The following MAP2K4 variants were observed in gnomAD, a reference collection of about 807,000 sequenced individuals.
The protein encoded by MAP2K4 is mitogen-activated protein kinase kinase 4.
MAP2K4 carries 4 observed loss-of-function variants against 48.5 expected under a neutral mutation model. The observed-to-expected ratio is 0.08, with a 90% CI of 0.04 to 0.19. The LOEUF (loss-of-function observed/expected upper bound fraction) is 0.19. Among genes scored for constraint, MAP2K4 ranks in the 10% least tolerant of loss-of-function variants. The probability of loss-of-function intolerance (pLI) is 1.00; values close to 1 mark genes in which losing one functional copy is unlikely to be tolerated. For synonymous variants in MAP2K4, 166 were observed against 173.1 expected (o/e 0.96, Z 0.32); for missense variants, 258 against 493.3 (o/e 0.52, Z 4.52).
chr17:12,046,960 G>A lies in MAP2K4; in HGVS notation c.116-7929G>A, dbSNP rs527398185. Among the ~76,000 whole-genome samples, 58 of 152,194 alleles carry A rather than the reference G, an allele frequency of 3.8e-4. No homozygotes were observed. The South Asian group carries it at 0.011, about 30-fold the overall frequency. ...CATAGTAAGAGGTAGTCTACAAGTA[G>A]AATGCTGCTTTTGCCTTTGTCTGGT... On this transcript the variant is annotated intron_variant, in intron 1 of 10. Coordinates refer to ENST00000353533, the MANE Select transcript of MAP2K4 (RefSeq NM_003010.4).
intron 7 of MAP2K4, among the ~76,000 whole-genome samples, chr17:12,116,948 G>T (rs1428543936): frequency 6.6e-6 from 1 of 152,138 alleles, no homozygotes; most frequent in African/African-American, 2.4e-5. Context: ...CGCGAGTAAT[G>T]TGTCACTCTA....
chr17:12,035,331 A>G (rs994426593), intron 1 of MAP2K4, among the ~76,000 whole-genome samples: 4 of 152,122 alleles, frequency 2.6e-5, no homozygotes, highest in Non-Finnish European at 5.9e-5. Flanking sequence ...CAGCCAGACC[A>G]ACATGGAGAA....
chr17:12,051,650 CAT>C (rs1361840071), intron 1 of MAP2K4, among the ~76,000 whole-genome samples: 1 of 152,144 alleles, frequency 6.6e-6, no homozygotes, highest in Non-Finnish European at 1.5e-5. Context: ...TCTTTGTTAG[CAT>C]CTAAAAATCT....
chr17:12,139,392 A>G (rs1156424288), intron 9 of MAP2K4, among the ~76,000 whole-genome samples: 1 of 152,214 alleles, frequency 6.6e-6, no homozygotes, highest in African/African-American at 2.4e-5. Flanking sequence ...GGATAAATTG[A>G]TAAAAATGTA....
intron 9 of MAP2K4, among the ~76,000 whole-genome samples, chr17:12,131,916 A>G (rs1973039129): frequency 1.3e-5 from 2 of 152,204 alleles, no homozygotes; most frequent in Non-Finnish European, 1.5e-5. Flanking sequence ...CAAAAATAGC[A>G]AAATACTTGA....
intron 7 of MAP2K4, among the ~76,000 whole-genome samples, chr17:12,121,869 T>G (rs1972705014): frequency 6.6e-6 from 1 of 152,192 alleles, no homozygotes; most frequent in Admixed American, 6.5e-5. Flanking sequence ...TTTTAAGCAG[T>G]TAAAACAGTT....
chr17:12,078,484 C>T (rs1010009117), intron 2 of MAP2K4, among the ~76,000 whole-genome samples: 9 of 152,046 alleles, frequency 5.9e-5, no homozygotes, highest in Non-Finnish European at 1.2e-4. Flanking sequence ...ATTGGGTGTC[C>T]ATCTTCTCAA....
intron 4 of MAP2K4, among the ~76,000 whole-genome samples, chr17:12,101,044 G>A (rs1223112497): frequency 1.3e-5 from 2 of 151,930 alleles, no homozygotes; most frequent in Non-Finnish European, 2.9e-5. Context: ...AGTGTTTTTG[G>A]AGAGCAAAAG....
At chr17:12,061,628 G>C (rs1970451565) in intron 2 of MAP2K4, among the ~76,000 whole-genome samples, 1 of 152,174 alleles carries the variant, frequency 6.6e-6, no homozygotes, top group Non-Finnish European at 1.5e-5. Flanking sequence ...AATCATCTTT[G>C]TTCTTGAATC....
rs1305181269 is a variant in MAP2K4, at chr17:12,081,294, T to TA, written c.219-58dup. The TA allele has an allele frequency of 2.4e-5, 33 of 1,385,098 alleles. No homozygotes were observed. In the African/African-American group the frequency reaches 3.5e-4, roughly 15 times the overall value. The allele number at this position is 1,385,098 out of a possible 1,614,324, so 85.8% of individuals were successfully genotyped here. ...ATTTTTCCCACACATTAATCAGTAC[T>TA]AAAAGAAAAAAGTTAAAACCTATTT... On this transcript the variant is annotated intron_variant, in intron 2 of 10. Coordinates refer to ENST00000353533, the MANE Select transcript of MAP2K4 (RefSeq NM_003010.4). This position sits in a 1 kb window ranked among gnomAD's most constrained non-coding sequence, Gnocchi z 4.2.
chr17:12,115,534 G>A (rs76321211), intron 7 of MAP2K4: 8,779 of 514,978 alleles, frequency 0.017, 113 homozygotes, highest in East Asian at 0.066. Flanking sequence ...TAGAGGTGAC[G>A]GGCCGGAGAA....
intron 1 of MAP2K4, among the ~76,000 whole-genome samples, chr17:12,034,696 C>G (rs1969539332): frequency 6.6e-6 from 1 of 152,218 alleles, no homozygotes; most frequent in South Asian, 2.1e-4. Flanking sequence ...AAGTGTTCAA[C>G]CACCGATGTT....
At chr17:12,087,072 A>G (rs1162982158) in intron 3 of MAP2K4, among the ~76,000 whole-genome samples, 2 of 151,922 alleles carry the variant, frequency 1.3e-5, no homozygotes, top group Admixed American at 1.3e-4. Context: ...GTCTTGAACT[A>G]CTGACTTCAG....
intron 9 of MAP2K4, among the ~76,000 whole-genome samples, chr17:12,138,724 G>A (rs1810851150): frequency 6.6e-6 from 1 of 152,102 alleles, no homozygotes; most frequent in East Asian, 1.9e-4. Context: ...GTAGGAAGTT[G>A]ACTAGGTAGT....
Position 12,113,291 on chromosome 17 carries a change from C to T in MAP2K4, c.744C>T (p.Phe248=), listed in dbSNP as rs770131813. Residue 248 remains phenylalanine (F), a synonymous_variant, in exon 7 of 11, where the codon TTC becomes TTT. Transcript: ENST00000353533. ...DRSGNIKLCD[F]GISGQLVDSI... The stretch of plus-strand genomic sequence containing the variant: ...GTGGAAATATTAAGCTCTGTGACTT[C>T]GGCATCAGTGGACAGCTTGTGGACT... The T allele has an allele frequency of 6.1e-5, 98 of 1,613,582 alleles. 3 individuals carry two copies. Among genetic ancestry groups the T allele is most frequent in the South Asian group, 5.6e-4 (51 of 91,068 alleles).
chr17:12,027,532 G>A (rs533747926), intron 1 of MAP2K4, among the ~76,000 whole-genome samples: 3 of 151,980 alleles, frequency 2.0e-5, no homozygotes, highest in Admixed American at 6.5e-5. Flanking sequence ...TAAAAAAAGA[G>A]GAATCAAGCA....
chr17:12,064,970 G>A (rs937624952), intron 2 of MAP2K4, among the ~76,000 whole-genome samples: 15 of 152,112 alleles, frequency 9.9e-5, no homozygotes, highest in Non-Finnish European at 1.8e-4. Context: ...AGAACATACT[G>A]ATTCTATCTC....
At chr17:12,063,401 T>C (rs558890307) in intron 2 of MAP2K4, among the ~76,000 whole-genome samples, 20 of 152,264 alleles carry the variant, frequency 1.3e-4, no homozygotes, top group African/African-American at 4.8e-4. Flanking sequence ...GGGAAAAAAA[T>C]AGGCTTTTCA....
chr17:12,045,872 T>TA (rs1969944785), intron 1 of MAP2K4, among the ~76,000 whole-genome samples: 1 of 152,198 alleles, frequency 6.6e-6, no homozygotes, highest in Non-Finnish European at 1.5e-5. Flanking sequence ...GTTCGAGGCT[T>TA]AAAAACACAA....
Sources: allele counts gnomAD v4.1 joint callset (sites outside exome capture counted in the v4.1 genomes callset), GRCh38; gene constraint gnomAD v4.1.1; non-coding constraint Gnocchi (gnomAD v3.1); transcripts MANE v1.5; gene names NCBI Gene and HGNC (gene_info 2026-07-23, HGNC 2026-07-21).